The following CDH12 variants were observed in gnomAD, a reference collection of about 807,000 sequenced individuals.
The protein encoded by CDH12 is cadherin-12.
A neutral mutation model predicts 74.1 loss-of-function variants in CDH12; 41 were observed. The ratio of observed to expected loss-of-function variants is 0.55; its 90% CI spans 0.43 to 0.72. The LOEUF (loss-of-function observed/expected upper bound fraction) is 0.72, where lower values mean the gene tolerates loss of function less well. CDH12 is among the 30% of genes least tolerant of loss of function. The probability of loss-of-function intolerance (pLI) is 0.00; values close to 1 mark genes in which losing one functional copy is unlikely to be tolerated. For missense variants in CDH12, 945 were observed against 977.2 expected (o/e 0.97, Z 0.44); for synonymous variants, 399 against 355.0 (o/e 1.12, Z -1.39).
chr5:22,447,310 T>G (rs970468179), intron 2 of CDH12, among the ~76,000 whole-genome samples: 1 of 152,108 alleles, frequency 6.6e-6, no homozygotes, highest in Admixed American at 6.6e-5. Flanking sequence ...TTGGATGACT[T>G]TTATCAATAG....
At chr5:22,692,480 G>A (rs1466960037) in intron 1 of CDH12, among the ~76,000 whole-genome samples, 2 of 151,922 alleles carry the variant, frequency 1.3e-5, no homozygotes, top group Admixed American at 6.6e-5. Context: ...CCACCATGGT[G>A]AGCGGGAATG....
chr5:22,507,460 T>C (rs967069769), intron 1 of CDH12, among the ~76,000 whole-genome samples: 1 of 152,142 alleles, frequency 6.6e-6, no homozygotes, highest in Non-Finnish European at 1.5e-5. Context: ...AAAAGTTTAG[T>C]AGAAAATACA....
At chr5:21,752,497 G>A (rs931153816) in intron 14 of CDH12, among the ~76,000 whole-genome samples, 8 of 152,232 alleles carry the variant, frequency 5.3e-5, no homozygotes, top group Admixed American at 3.9e-4. Flanking sequence ...TCTGGTAAAA[G>A]TGTGTGTTGC....
At chr5:21,801,658 C>G (rs148253652) in intron 10 of CDH12, among the ~76,000 whole-genome samples, 1 of 152,278 alleles carries the variant, frequency 6.6e-6, no homozygotes, top group East Asian at 1.9e-4. Context: ...CTAACTGTGT[C>G]TCTACTCATT....
At chr5:22,321,978 G>A (rs1043168937) in intron 3 of CDH12, among the ~76,000 whole-genome samples, 5 of 152,122 alleles carry the variant, frequency 3.3e-5, no homozygotes, top group African/African-American at 9.6e-5. Context: ...AAGCAAATTC[G>A]ATATCTATTT....
intron 1 of CDH12, among the ~76,000 whole-genome samples, chr5:22,542,829 A>T (rs1738166288): frequency 6.6e-6 from 1 of 152,144 alleles, no homozygotes; most frequent in African/African-American, 2.4e-5. Flanking sequence ...GAATGCACAG[A>T]TGCTTGGCTT....
Position 22,052,765 on chromosome 5 carries a change from ATTTATC to A in CDH12, c.231+25675_231+25680del, listed in dbSNP as rs1740463564. Among the ~76,000 whole-genome samples, 3 of 152,196 alleles carry A rather than the reference ATTTATC, an allele frequency of 2.0e-5. No homozygotes were observed. The East Asian group carries it at 5.8e-4, about 29-fold the overall frequency. ...AATAAACATTTATTACATTTATTAAATTTATCTTTAAGTTTCCTGGATCATGGTAAT... is the reference window on the plus strand; with the variant it reads ...AATAAACATTTATTACATTTATTAAATTTAAGTTTCCTGGATCATGGTAAT... On this transcript the variant is annotated intron_variant, in intron 5 of 14. Transcript: ENST00000382254.
chr5:21,823,878 T>A (rs921270235), intron 8 of CDH12, among the ~76,000 whole-genome samples: 1 of 150,836 alleles, frequency 6.6e-6, no homozygotes, highest in African/African-American at 2.4e-5. Context: ...GATACAAACT[T>A]TTTTTTTTAT....
At chr5:22,568,520 C>T (rs1274736233) in intron 1 of CDH12, among the ~76,000 whole-genome samples, 1 of 152,140 alleles carries the variant, frequency 6.6e-6, no homozygotes, top group Admixed American at 6.5e-5. Context: ...AACACATCTG[C>T]ACCCAAATTC....
chr5:21,886,685 A>G (rs1435405222), intron 6 of CDH12, among the ~76,000 whole-genome samples: 1 of 151,010 alleles, frequency 6.6e-6, no homozygotes, highest in Non-Finnish European at 1.5e-5. Context: ...ACACATAAGC[A>G]CTTAATCTCT....
intron 1 of CDH12, among the ~76,000 whole-genome samples, chr5:22,559,862 A>T (rs1738964385): frequency 6.6e-6 from 1 of 152,174 alleles, no homozygotes; most frequent in Admixed American, 6.5e-5. Flanking sequence ...GAAAATGAAT[A>T]TATTATGTCA....
intron 1 of CDH12, among the ~76,000 whole-genome samples, chr5:22,512,062 A>C (rs1233294924): frequency 2.0e-5 from 3 of 152,038 alleles, no homozygotes; most frequent in Admixed American, 2.0e-4. Flanking sequence ...TACAATTAAG[A>C]ATATCATACC....
rs77599579 is a variant in CDH12, at chr5:21,824,675, T to C, written c.815-7543A>G. On this transcript the variant is annotated intron_variant, in intron 8 of 14. Transcript: ENST00000382254. ...ATTTCCCCCATTTTCTGGGAAAATA[T>C]ATTAGAGTTTATTGTTTGTCTTAGC... Among the ~76,000 whole-genome samples the C allele has an allele frequency of 3.0e-3, 457 of 152,272 alleles. 1 individual carries two copies. The highest frequency in any genetic ancestry group is 0.011 in the African/African-American group (444 of 41,556).
rs529882188 is a variant in CDH12 at position 22,535,734 on chromosome 5, T to G, written c.-522-30370A>C. On this transcript the variant is annotated intron_variant, in intron 1 of 14. Transcript: ENST00000382254. The stretch of plus-strand genomic sequence containing the variant: ...ATATAAAATGGGATGTCCCCTAAAT[T>G]TATTTGACCATAGAATCCTTCCTTA... Among the ~76,000 whole-genome samples the G allele has an allele frequency of 1.7e-3, 253 of 152,244 alleles. 1 individual carries two copies. The highest frequency in any genetic ancestry group is 6.2e-3 in the South Asian group (30 of 4,824).
chr5:22,019,994 T>C (rs1324943098), intron 5 of CDH12, among the ~76,000 whole-genome samples: 3 of 152,106 alleles, frequency 2.0e-5, no homozygotes, highest in African/African-American at 7.2e-5. Flanking sequence ...AGAAAAATGA[T>C]ACATAGCATT....
At chr5:22,708,596 T>C (rs1743139342) in intron 1 of CDH12, among the ~76,000 whole-genome samples, 1 of 152,012 alleles carries the variant, frequency 6.6e-6, no homozygotes, top group South Asian at 2.1e-4. Context: ...CAAACAAGTG[T>C]AGTTAGAGCA....
intron 4 of CDH12, chr5:22,139,570 G>C (rs540357280): frequency 4.2e-5 from 6 of 143,674 alleles, no homozygotes; most frequent in Non-Finnish European, 9.1e-5. Flanking sequence ...TTTACTTGGC[G>C]TGCAATTTCT....
chr5:22,534,143 T>C (rs1737718164), intron 1 of CDH12, among the ~76,000 whole-genome samples: 1 of 152,172 alleles, frequency 6.6e-6, no homozygotes, highest in Non-Finnish European at 1.5e-5. Flanking sequence ...AATCAATAGA[T>C]TGTAGCAAAA....
rs980154484 is a variant in CDH12 at position 22,382,024 on chromosome 5, G to A, written c.-333+23233C>T. 3.4e-5 allele frequency among the ~76,000 whole-genome samples: 5 copies of A among 147,364 alleles called. No individual in the cohort carries two copies. The East Asian group carries it at 5.9e-4, about 17-fold the overall frequency. On this transcript the variant is annotated intron_variant, in intron 3 of 14. Coordinates refer to ENST00000382254, the MANE Select transcript of CDH12 (RefSeq NM_004061.5). ...TGAGTCCCTTTATGTTGCTTTGGCC[G>A]GAGTTCAGGGGTTTCATCATTTCAC...
Sources: allele counts gnomAD v4.1 joint callset (sites outside exome capture counted in the v4.1 genomes callset), GRCh38; gene constraint gnomAD v4.1.1; transcripts MANE v1.5; gene names NCBI Gene and HGNC (gene_info 2026-07-23, HGNC 2026-07-21).